Variants in PEX5L observed in about 807,000 individuals in gnomAD.
PEX5L encodes the protein PEX5-related protein.
Under a neutral mutation model 84.0 loss-of-function variants are expected in PEX5L, and 30 were observed. The observed-to-expected ratio is 0.36, with a 90% CI of 0.27 to 0.48. The LOEUF is 0.48. Ranked by LOEUF, PEX5L falls within the 20% of genes least tolerant of loss-of-function variation. The pLI is 0.99. For missense variants in PEX5L, 533 were observed against 754.6 expected (o/e 0.71, Z 3.44); for synonymous variants, 270 against 283.1 (o/e 0.95, Z 0.46).
chr3:179,860,179 T>C (rs1346751585), intron 7 of PEX5L, among the ~76,000 whole-genome samples: 3 of 152,194 alleles, frequency 2.0e-5, no homozygotes, highest in Non-Finnish European at 4.4e-5. Context: ...AGGATAAGAA[T>C]CTTGTTTGGT....
chr3:179,986,906 T>C lies in PEX5L; in HGVS notation c.22-15241A>G, dbSNP rs1012455952. ...ATTTGATTAAATAAAAAGAAAAATA[T>C]CAAAAGGTCAACAGCTCTTTATTAC... On this transcript the variant is annotated intron_variant, in intron 1 of 14. Coordinates refer to ENST00000467460, the MANE Select transcript of PEX5L (RefSeq NM_016559.3). 1.7e-4 allele frequency among the ~76,000 whole-genome samples: 26 copies of C among 152,178 alleles called. 1 individual carries two copies. Among genetic ancestry groups the C allele is most frequent in the Non-Finnish European group, 2.9e-5 (2 of 68,038 alleles).
At chr3:179,946,643 G>C (rs889464490) in intron 2 of PEX5L, among the ~76,000 whole-genome samples, 1 of 152,196 alleles carries the variant, frequency 6.6e-6, no homozygotes, top group Non-Finnish European at 1.5e-5. Flanking sequence ...AAAAGCAGAA[G>C]CTCTAGTGAG....
intron 3 of PEX5L, among the ~76,000 whole-genome samples, chr3:179,889,983 G>A (rs1578094552): frequency 6.6e-6 from 1 of 152,060 alleles, no homozygotes. Context: ...TCAGTGATCC[G>A]GTGAGCTCAT....
intron 2 of PEX5L, among the ~76,000 whole-genome samples, chr3:179,929,949 C>T (rs568492858): frequency 4.4e-4 from 67 of 152,266 alleles, no homozygotes; most frequent in Admixed American, 1.4e-3. Flanking sequence ...TTTCACACTC[C>T]CAATTTTGAA....
chr3:179,988,419 T>TAAATAAATAAAA lies in PEX5L; in HGVS notation c.22-16755_22-16754insTTTTATTTATTT, dbSNP rs1276669710. Among the ~76,000 whole-genome samples the TAAATAAATAAAA allele has an allele frequency of 5.4e-4, 80 of 147,038 alleles. 1 individual carries two copies. The South Asian group carries it at 5.5e-3, about 10-fold the overall frequency. ...ATAAATAAATAAATAAATAAATAAA[T>TAAATAAATAAAA]AAAATAAAAAAAGAAAGAAGAGGTC... On this transcript the variant is annotated intron_variant, in intron 1 of 14. Transcript: ENST00000467460.
intron 1 of PEX5L, among the ~76,000 whole-genome samples, chr3:180,010,778 T>C (rs1451570187): frequency 6.6e-6 from 1 of 152,066 alleles, no homozygotes; most frequent in Non-Finnish European, 1.5e-5. Flanking sequence ...TTTTCATCTT[T>C]GCCATATCCC....
intron 8 of PEX5L, among the ~76,000 whole-genome samples, chr3:179,839,989 G>A (rs540327429): frequency 6.6e-6 from 1 of 152,182 alleles, no homozygotes; most frequent in East Asian, 1.9e-4. Context: ...AGATGAGAAT[G>A]AGCCTGGAGG....
intron 2 of PEX5L, among the ~76,000 whole-genome samples, chr3:179,960,062 C>T (rs1470493047): frequency 1.3e-5 from 2 of 151,732 alleles, no homozygotes; most frequent in Non-Finnish European, 2.9e-5. Flanking sequence ...TTTCTCATTT[C>T]TCCCTTATAT....
chr3:179,890,085 G>A (rs895057478), intron 3 of PEX5L, among the ~76,000 whole-genome samples: 7 of 152,152 alleles, frequency 4.6e-5, no homozygotes, highest in African/African-American at 1.7e-4. Context: ...CAAAGGACCT[G>A]TACATTGATA....
intron 4 of PEX5L, among the ~76,000 whole-genome samples, chr3:179,887,327 T>C (rs1370720659): frequency 6.6e-6 from 1 of 152,164 alleles, no homozygotes; most frequent in Non-Finnish European, 1.5e-5. Context: ...CCAGAAATAA[T>C]TGGACCATCA....
intron 1 of PEX5L, among the ~76,000 whole-genome samples, chr3:180,030,611 G>A (rs1791364914): frequency 6.6e-6 from 1 of 152,102 alleles, no homozygotes; most frequent in African/African-American, 2.4e-5. Context: ...CATACCAGTT[G>A]TTTTAAGAAC....
chr3:179,986,231 T>C (rs1786803607), intron 1 of PEX5L, among the ~76,000 whole-genome samples: 1 of 151,068 alleles, frequency 6.6e-6, no homozygotes. Flanking sequence ...CCACTAAACA[T>C]TGTGGTTTGT....
At chr3:179,848,043 T>C (rs1740299076) in intron 8 of PEX5L, among the ~76,000 whole-genome samples, 1 of 152,036 alleles carries the variant, frequency 6.6e-6, no homozygotes, top group Non-Finnish European at 1.5e-5. Flanking sequence ...ACCAAAACTA[T>C]TCTAACCCCT....
At chr3:179,855,436 T>C (rs1293254396) in intron 8 of PEX5L, among the ~76,000 whole-genome samples, 1 of 152,196 alleles carries the variant, frequency 6.6e-6, no homozygotes, top group East Asian at 1.9e-4. Context: ...TATCCCACTG[T>C]AGTGTCCATG....
intron 1 of PEX5L, among the ~76,000 whole-genome samples, chr3:180,034,925 T>C (rs899224152): frequency 1.3e-5 from 2 of 152,198 alleles, no homozygotes; most frequent in African/African-American, 2.4e-5. Context: ...CAAGTTTCAA[T>C]AACATTCTCC....
At chr3:179,994,342 A>G (rs962669349) in intron 1 of PEX5L, among the ~76,000 whole-genome samples, 12 of 152,242 alleles carry the variant, frequency 7.9e-5, no homozygotes, top group African/African-American at 2.9e-4. Context: ...AACCTTTGCC[A>G]GCTTCTAGTG....
chr3:180,009,827 C>G (rs987705527), intron 1 of PEX5L, among the ~76,000 whole-genome samples: 4 of 152,148 alleles, frequency 2.6e-5, no homozygotes, highest in Admixed American at 2.6e-4. Flanking sequence ...CTCTATGTGT[C>G]TGGCCTATAG....
chr3:179,838,277 AGATATCATGT>A (rs1372624889), intron 8 of PEX5L, among the ~76,000 whole-genome samples: 1 of 152,188 alleles, frequency 6.6e-6, no homozygotes, highest in African/African-American at 2.4e-5. Flanking sequence ...TAAAAATCAG[AGATATCATGT>A]GATTCAGATT....
At chr3:179,930,273 C>T (rs1021296205) in intron 2 of PEX5L, among the ~76,000 whole-genome samples, 36 of 151,814 alleles carry the variant, frequency 2.4e-4, no homozygotes, top group African/African-American at 8.0e-4. Flanking sequence ...ATACCTTATT[C>T]TTTTTTCTAG....
Sources: gnomAD v4.1 joint callset for allele counts (sites outside exome capture counted in the v4.1 genomes callset) on GRCh38, gnomAD v4.1.1 for gene constraint, MANE v1.5 for transcripts, NCBI Gene and HGNC (gene_info 2026-07-23, HGNC 2026-07-21) for gene names.